TRDN: variants seen among roughly 807,000 people sequenced by gnomAD.
TRDN encodes the protein triadin.
Under a neutral mutation model 149.7 loss-of-function variants are expected in TRDN, and 161 were observed. The observed-to-expected ratio is 1.08, with a 90% CI of 0.95 to 1.23. The LOEUF is 1.23. Ranked by LOEUF, TRDN falls within the 50% of genes most tolerant of loss-of-function variation. The pLI is 0.00. For synonymous variants in TRDN, 294 were observed against 250.5 expected, an observed-to-expected ratio of 1.17 and a Z score of -1.64; for missense variants, 896 against 823.5, an observed-to-expected ratio of 1.09 and a Z score of -1.08.
chr6:123,614,284 T>A (rs1784957500), intron 1 of TRDN, among the ~76,000 whole-genome samples: 1 of 124,754 alleles, frequency 8.0e-6, no homozygotes, highest in Non-Finnish European at 1.6e-5. Flanking sequence ...GGAAAGTGCT[T>A]CATTAAAAAA....
In TRDN at chr6:123,331,944, C is replaced by T. The variant is rs561559208; in HGVS notation, c.1421-15G>A. The T allele has an allele frequency of 2.6e-5, 39 of 1,525,566 alleles. No individual in the cohort carries two copies. Among genetic ancestry groups the T allele is most frequent in the Middle Eastern group, 1.7e-4 (1 of 5,858 alleles). The allele number at this position is 1,525,566 out of a possible 1,614,324, so 94.5% of individuals were successfully genotyped here. A position where few individuals can be genotyped will look rare whatever the true frequency, so the allele number is the denominator to read the frequency against. On this transcript the variant is annotated splice_polypyrimidine_tract_variant and intron_variant, in intron 22 of 40. Transcript: ENST00000334268. ...TTTAATAGGTTCTGAAAAGAAACAT[C>T]GGACATTTATTTGAAGCCAAGACAA...
intron 40 of TRDN, 145 bp from the exon 41 acceptor site, chr6:123,218,885 C>T: frequency 1.3e-6 from 1 of 787,830 alleles, no homozygotes; most frequent in Non-Finnish European, 2.0e-6. Context: ...TTCACTGTGT[C>T]TTGGAGTCTT....
chr6:123,315,400 A>G (rs1778987605), intron 24 of TRDN, among the ~76,000 whole-genome samples: 1 of 151,936 alleles, frequency 6.6e-6, no homozygotes, highest in South Asian at 2.1e-4. Flanking sequence ...AAATTACTTT[A>G]AATGGGCATG....
In TRDN at chr6:123,494,132, T is replaced by G. The variant is rs112380513; in HGVS notation, c.853+3061A>C. On this transcript the variant is annotated intron_variant, in intron 9 of 40. Transcript: ENST00000334268. ...AGATGAAATAAATTAAGAATTCAAT[T>G]AGTAAGTCAATTAATGGTACAAAGA... is the stretch of plus-strand genomic sequence containing the variant. Among the ~76,000 whole-genome samples, 1,454 of 152,254 alleles carry G rather than the reference T, an allele frequency of 9.5e-3. 22 individuals are homozygous for G. Among genetic ancestry groups the G allele is most frequent in the African/African-American group, 0.034 (1,400 of 41,558 alleles).
intron 10 of TRDN, among the ~76,000 whole-genome samples, chr6:123,440,205 T>C (rs962686414): frequency 6.6e-6 from 1 of 152,168 alleles, no homozygotes; most frequent in Non-Finnish European, 1.5e-5. Context: ...AAGAACCCCT[T>C]TCATGATTTC....
Position 123,278,364 on chromosome 6 carries a change from A to G in TRDN, c.1538-17T>C, listed in dbSNP as rs1365100529. 8.8e-6 allele frequency: 11 copies of G among 1,253,752 alleles called. No individual in the cohort carries two copies. The highest frequency in any genetic ancestry group is 4.4e-5 in the South Asian group (3 of 68,502). The allele number at this position is 1,253,752 out of a possible 1,614,324, so 77.7% of individuals were successfully genotyped here. ...CTTGTAGTTCTAAAAATATAGATGA[A>G]CATTAGTAACAATGATTATAGAAAG... On this transcript the variant is annotated splice_polypyrimidine_tract_variant and intron_variant, in intron 25 of 40. Transcript: ENST00000334268.
intron 1 of TRDN, among the ~76,000 whole-genome samples, chr6:123,587,454 C>T (rs933816315): frequency 2.6e-5 from 4 of 152,178 alleles, no homozygotes; most frequent in Non-Finnish European, 5.9e-5. Flanking sequence ...GAAGAGTCTG[C>T]TTACCCGATT....
chr6:123,587,576 G>A (rs1229450200), intron 1 of TRDN, among the ~76,000 whole-genome samples: 1 of 152,166 alleles, frequency 6.6e-6, no homozygotes, highest in Non-Finnish European at 1.5e-5. Flanking sequence ...TCCCAAGGGA[G>A]GTCCCCTGAT....
intron 1 of TRDN, among the ~76,000 whole-genome samples, chr6:123,628,444 A>G (rs1353709939): frequency 6.6e-6 from 1 of 152,088 alleles, no homozygotes; most frequent in Non-Finnish European, 1.5e-5. Context: ...AACAATTACA[A>G]TATTGATATC....
intron 7 of TRDN, among the ~76,000 whole-genome samples, chr6:123,507,534 A>T (rs1778986451): frequency 6.6e-6 from 1 of 152,184 alleles, no homozygotes; most frequent in Admixed American, 6.6e-5. Flanking sequence ...TATAATAAAG[A>T]AAATATCATG....
chr6:123,354,606 AGAAATACATATCT>A (rs1780588733), intron 20 of TRDN, among the ~76,000 whole-genome samples: 3 of 151,926 alleles, frequency 2.0e-5, no homozygotes, highest in African/African-American at 7.2e-5. Context: ...AGGGCAATGT[AGAAATACATATCT>A]GAAGAAATAG....
chr6:123,495,249 T>C (rs918836329), intron 9 of TRDN, among the ~76,000 whole-genome samples: 2 of 151,944 alleles, frequency 1.3e-5, no homozygotes, highest in African/African-American at 4.8e-5. Flanking sequence ...CCAGTTGCAG[T>C]GGCTCATGCC....
In TRDN at chr6:123,358,641, ATTGTT is replaced by A. The variant is rs59422811; in HGVS notation, c.1322-6060_1322-6056del. Among the ~76,000 whole-genome samples the A allele has an allele frequency of 3.3e-5, 5 of 151,168 alleles. No individual in the cohort carries two copies. In the South Asian group the frequency reaches 1.0e-3, roughly 32 times the overall value. On this transcript the variant is annotated intron_variant, in intron 20 of 40. Coordinates refer to ENST00000334268, the MANE Select transcript of TRDN (RefSeq NM_006073.4). ...CACCATGCCTGGCTAATTTTTTTGT[ATTGTT>A]TTGTTTTGTTTGTTTTAGTAGAGAC...
intron 38 of TRDN, among the ~76,000 whole-genome samples, chr6:123,232,990 CAT>C (rs1385132393): frequency 1.3e-5 from 2 of 152,054 alleles, no homozygotes; most frequent in African/African-American, 2.4e-5. Flanking sequence ...CGTAAGTAAA[CAT>C]GTGGAATCCT....
chr6:123,609,805 A>G lies in TRDN; in HGVS notation c.22+26949T>C, dbSNP rs938860945. 5.5e-4 allele frequency among the ~76,000 whole-genome samples: 83 copies of G among 152,134 alleles called. 2 individuals are homozygous for G. The highest frequency in any genetic ancestry group is 9.7e-5 in the African/African-American group (4 of 41,432). ...GTGCATGAATCATAATTGTTCTCAT[A>G]TAAAGTTTATAGATATATTACATTA... is the stretch of plus-strand genomic sequence containing the variant. On this transcript the variant is annotated intron_variant, in intron 1 of 40. Coordinates refer to ENST00000334268, the MANE Select transcript of TRDN (RefSeq NM_006073.4).
At chr6:123,296,269 A>G (rs889128435) in intron 24 of TRDN, among the ~76,000 whole-genome samples, 1 of 152,186 alleles carries the variant, frequency 6.6e-6, no homozygotes, top group Non-Finnish European at 1.5e-5. Context: ...TACTTAGAAC[A>G]GAGCAGAGGT....
intron 21 of TRDN, chr6:123,352,309 G>A: frequency 1.0e-6 from 1 of 984,910 alleles, no homozygotes. Flanking sequence ...TAAACAGTTT[G>A]GGGAGTTTCC....
intron 24 of TRDN, among the ~76,000 whole-genome samples, chr6:123,298,530 T>C (rs1005233056): frequency 6.6e-6 from 1 of 152,076 alleles, no homozygotes; most frequent in Non-Finnish European, 1.5e-5. Context: ...TGTAATCATT[T>C]ACTCATTTGT....
intron 29 of TRDN, among the ~76,000 whole-genome samples, chr6:123,272,227 GT>G (rs1484343421): frequency 7.2e-5 from 11 of 151,896 alleles, no homozygotes; most frequent in African/African-American, 2.7e-4. Context: ...GAGCAAGTAT[GT>G]TTTTCACTTT....
Sources: allele counts gnomAD v4.1 joint callset (sites outside exome capture counted in the v4.1 genomes callset), GRCh38; gene constraint gnomAD v4.1.1; transcripts MANE v1.5; gene names NCBI Gene and HGNC (gene_info 2026-07-23, HGNC 2026-07-21).